The following ILRUN variants were observed in gnomAD, a reference collection of about 807,000 sequenced individuals.
ILRUN encodes protein ILRUN.
ILRUN carries 3 observed loss-of-function variants against 33.8 expected under a neutral mutation model. The ratio of observed to expected loss-of-function variants is 0.09; its 90% confidence interval spans 0.04 to 0.23. The LOEUF (loss-of-function observed/expected upper bound fraction) is 0.23, where lower values mean the gene tolerates loss of function less well. Ranked by LOEUF, ILRUN falls within the 10% of genes least tolerant of loss-of-function variation. ILRUN has a pLI of 1.00. For synonymous variants in ILRUN, 124 were observed against 138.9 expected (o/e 0.89, Z 0.75); for missense variants, 210 against 375.1 (o/e 0.56, Z 3.64).
At chr6:34,620,525 A>G (rs990407777) in intron 3 of ILRUN, among the ~76,000 whole-genome samples, 1 of 152,220 alleles carries the variant, frequency 6.6e-6, no homozygotes, top group African/African-American at 2.4e-5. Flanking sequence ...ATGTGTTAAC[A>G]TTTAATATTG....
chr6:34,693,864 C>T (rs946040764), intron 1 of ILRUN, among the ~76,000 whole-genome samples: 2 of 151,922 alleles, frequency 1.3e-5, no homozygotes, highest in African/African-American at 4.8e-5. Context: ...CACTCTGTCA[C>T]CCAGGCTAGA....
chr6:34,668,838 C>T (rs1436929425), intron 1 of ILRUN, among the ~76,000 whole-genome samples: 2 of 145,834 alleles, frequency 1.4e-5, no homozygotes, highest in Non-Finnish European at 3.0e-5. Flanking sequence ...TAATGCCTGG[C>T]TAATTTTTTT....
chr6:34,638,345 C>T (rs1331957633), intron 3 of ILRUN, among the ~76,000 whole-genome samples: 1 of 152,186 alleles, frequency 6.6e-6, no homozygotes, highest in Non-Finnish European at 1.5e-5. Flanking sequence ...TTTCAGATCT[C>T]ATTTACATTT....
intron 3 of ILRUN, among the ~76,000 whole-genome samples, chr6:34,629,309 G>C (rs12111029): frequency 6.6e-6 from 1 of 152,086 alleles, no homozygotes; most frequent in East Asian, 1.9e-4. Flanking sequence ...ATTATTCCAT[G>C]ATATCTAGGT....
chr6:34,592,657 G>C lies in ILRUN; in HGVS notation c.862-2057C>G, dbSNP rs544949062. Among the ~76,000 whole-genome samples the C allele has an allele frequency of 4.6e-5, 7 of 152,174 alleles. No individual in the cohort carries two copies. Among genetic ancestry groups the C allele is most frequent in the African/African-American group, 1.4e-4 (6 of 41,494 alleles). ...ATTACAGGCATGAGCCACTGCGCCT[G>C]GCCTTTGCCATTACTTTTAATGGCA... On this transcript the variant is annotated intron_variant, in intron 4 of 4. Coordinates refer to ENST00000374023, the MANE Select transcript of ILRUN (RefSeq NM_024294.4). This position sits in a 1 kb window ranked among gnomAD's most constrained non-coding sequence, Gnocchi z 4.0.
chr6:34,603,508 G>C (rs371406161), intron 4 of ILRUN, among the ~76,000 whole-genome samples: 1 of 151,904 alleles, frequency 6.6e-6, no homozygotes, highest in Non-Finnish European at 1.5e-5. Context: ...AGTGGCGGGC[G>C]CCTGTGGTCC....
chr6:34,652,260 G>A (rs1762686478), intron 2 of ILRUN, among the ~76,000 whole-genome samples: 1 of 152,112 alleles, frequency 6.6e-6, no homozygotes, highest in Non-Finnish European at 1.5e-5. Context: ...ATTAGACTTT[G>A]AACAAGTAAG....
chr6:34,659,493 C>T (rs1020991277), intron 1 of ILRUN, among the ~76,000 whole-genome samples: 4 of 151,948 alleles, frequency 2.6e-5, no homozygotes, highest in African/African-American at 9.7e-5. Context: ...ATACTAATTA[C>T]CATTATGAAT....
At chr6:34,612,681 T>C (rs528801950) in intron 3 of ILRUN, among the ~76,000 whole-genome samples, 1 of 152,202 alleles carries the variant, frequency 6.6e-6, no homozygotes, top group South Asian at 2.1e-4. Flanking sequence ...CCAAAGCAGG[T>C]GGATCACTTA....
intron 4 of ILRUN, among the ~76,000 whole-genome samples, chr6:34,596,966 A>G (rs1432927518): frequency 2.6e-5 from 4 of 151,742 alleles, no homozygotes; most frequent in Non-Finnish European, 5.9e-5. Context: ...TTCATCATTC[A>G]TCCCTCCATC....
chr6:34,609,424 A>G (rs1761698102), intron 3 of ILRUN, among the ~76,000 whole-genome samples: 1 of 152,112 alleles, frequency 6.6e-6, no homozygotes, highest in Non-Finnish European at 1.5e-5. Flanking sequence ...TGGGAGGCGG[A>G]GGTTGTAGTG....
At chr6:34,658,643 C>T (rs1206942501) in intron 1 of ILRUN, among the ~76,000 whole-genome samples, 1 of 151,852 alleles carries the variant, frequency 6.6e-6, no homozygotes, top group Non-Finnish European at 1.5e-5. Context: ...CTTGTCTCTA[C>T]TAAAAATACA....
chr6:34,605,045 G>A (rs1398047860), intron 4 of ILRUN, among the ~76,000 whole-genome samples: 1 of 152,152 alleles, frequency 6.6e-6, no homozygotes, highest in East Asian at 1.9e-4. Flanking sequence ...GGTGGCTCAC[G>A]CCTGTAATCC....
intron 1 of ILRUN, among the ~76,000 whole-genome samples, chr6:34,687,942 T>C (rs367855456): frequency 2.0e-5 from 3 of 151,312 alleles, no homozygotes; most frequent in East Asian, 3.9e-4. Flanking sequence ...CCAAAGGAAC[T>C]AAAAAAAGGT....
In ILRUN at chr6:34,696,449, T is replaced by C. The variant is rs1763779144; in HGVS notation, c.155A>G (p.Asn52Ser). ...AGCAFFLDMT[N>S]WNLQAAIGAY... ...TGGCACTGCGGGGCCGGCTCACCAG[T>C]TGGTCATGTCCAGGAAGAAGGCGCA... is the stretch of plus-strand genomic sequence containing the variant. The change falls in exon 1 of 5, where the codon AAC becomes AGC. Residue 52 changes from asparagine (N) to serine (S), a missense_variant. By Grantham distance (46) the Asn-to-Ser change is conservative. Around this residue, in one of 4 missense-constraint regions of ILRUN, gnomAD observed 61 missense variants for 94.4 expected, o/e 0.65. Transcript: ENST00000374023. 4 of 1,569,238 alleles carry C rather than the reference T, an allele frequency of 2.5e-6. No individual in the cohort carries two copies. Among genetic ancestry groups the C allele is most frequent in the South Asian group, 1.1e-5 (1 of 87,000 alleles).
At chr6:34,617,458 A>C (rs540387285) in intron 3 of ILRUN, among the ~76,000 whole-genome samples, 12 of 152,150 alleles carry the variant, frequency 7.9e-5, no homozygotes, top group Non-Finnish European at 1.8e-4. Flanking sequence ...GTCTAGTCTC[A>C]ACTTCTAGTC....
intron 3 of ILRUN, among the ~76,000 whole-genome samples, chr6:34,629,971 A>G (rs963380015): frequency 3.3e-5 from 5 of 152,192 alleles, no homozygotes; most frequent in South Asian, 2.1e-4. Flanking sequence ...TGACTTATAA[A>G]TTAGGCCCAG....
intron 1 of ILRUN, among the ~76,000 whole-genome samples, chr6:34,660,399 C>A (rs1031382156): frequency 1.3e-5 from 2 of 151,108 alleles, no homozygotes; most frequent in African/African-American, 4.9e-5. Flanking sequence ...TCTTTCCATT[C>A]TCTGAACAAG....
At chr6:34,605,832 T>G (rs1410459436) in intron 4 of ILRUN, among the ~76,000 whole-genome samples, 1 of 152,178 alleles carries the variant, frequency 6.6e-6, no homozygotes, top group Non-Finnish European at 1.5e-5. Context: ...AGCATTATTA[T>G]TCAGAGAAGA....
Sources: allele counts gnomAD v4.1 joint callset (sites outside exome capture counted in the v4.1 genomes callset), GRCh38; gene constraint gnomAD v4.1.1; regional missense constraint gnomAD v4.1.1; non-coding constraint Gnocchi (gnomAD v3.1); transcripts MANE v1.5; gene names NCBI Gene and HGNC (gene_info 2026-07-23, HGNC 2026-07-21).